Variants in ANGPT1 observed in about 807,000 individuals in gnomAD.
ANGPT1 encodes angiopoietin 1.
A neutral mutation model predicts 62.2 loss-of-function variants in ANGPT1; 17 were observed. The ratio of observed to expected loss-of-function variants is 0.27; its 90% CI spans 0.19 to 0.41. ANGPT1 has a LOEUF of 0.41. ANGPT1 is among the 10% of genes least tolerant of loss of function. The pLI is 1.00. For missense variants in ANGPT1, 478 were observed against 594.9 expected, an observed-to-expected ratio of 0.80 and a Z score of 2.04; for synonymous variants, 199 against 198.9, an observed-to-expected ratio of 1.00 and a Z score of 0.00.
Position 107,336,171 on chromosome 8 carries a change from A to C in ANGPT1, c.554T>G (p.Leu185Trp). The C allele has an allele frequency of 6.2e-7, 1 of 1,605,112 alleles. No homozygotes were observed. Among genetic ancestry groups the C allele is most frequent in the Non-Finnish European group, 8.5e-7 (1 of 1,177,626 alleles). ...KQLLQQTNEI[L>W]KIHEKNSLLE... The stretch of plus-strand genomic sequence containing the variant: ...TCACCTGTTTTTTTCATGGATCTTC[A>C]AGATTTCATTTGTCTGTTGAAGAAG... The change falls in exon 3 of 9, where the codon TTG (leucine) becomes TGG (tryptophan). Residue 185 changes from leucine to tryptophan, a missense_variant. By Grantham distance (61) the Leu-to-Trp change is moderately conservative (BLOSUM62 -2). Coordinates refer to ENST00000517746, the MANE Select transcript of ANGPT1 (RefSeq NM_001146.5).
chr8:107,409,204 C>T (rs1283684), intron 1 of ANGPT1, among the ~76,000 whole-genome samples: 21,725 of 152,174 alleles, frequency 0.14, 1,800 homozygotes, highest in South Asian at 0.2. Flanking sequence ...TAGCCCCAGG[C>T]TTTCCTTCTA....
intron 3 of ANGPT1, among the ~76,000 whole-genome samples, chr8:107,335,169 T>C (rs1323036541): frequency 6.6e-6 from 1 of 152,230 alleles, no homozygotes; most frequent in Admixed American, 6.5e-5. Flanking sequence ...TAGCAAGTTG[T>C]GTGACCTTGG....
intron 1 of ANGPT1, among the ~76,000 whole-genome samples, chr8:107,380,808 T>C (rs1234242629): frequency 1.3e-5 from 2 of 152,122 alleles, no homozygotes; most frequent in Non-Finnish European, 2.9e-5. Context: ...AAAGACAACG[T>C]CTTACTTTAG....
intron 1 of ANGPT1, among the ~76,000 whole-genome samples, chr8:107,365,171 C>T (rs545782398): frequency 2.0e-5 from 3 of 152,218 alleles, no homozygotes; most frequent in South Asian, 2.1e-4. Context: ...GACTGATAAG[C>T]TGAAGCATTT....
intron 5 of ANGPT1, among the ~76,000 whole-genome samples, chr8:107,301,487 G>A (rs955395217): frequency 3.3e-5 from 5 of 151,808 alleles, no homozygotes; most frequent in Non-Finnish European, 7.4e-5. Flanking sequence ...TTAAGCTTAA[G>A]TGTGATTTTA....
At chr8:107,313,478 C>T (rs1475201505) in intron 4 of ANGPT1, among the ~76,000 whole-genome samples, 4 of 108,872 alleles carry the variant, frequency 3.7e-5, no homozygotes, top group East Asian at 2.8e-4. Flanking sequence ...CTTGCTCTGT[C>T]GCCCAGGCTG....
intron 1 of ANGPT1, among the ~76,000 whole-genome samples, chr8:107,427,683 C>T (rs937040244): frequency 6.6e-6 from 1 of 152,182 alleles, no homozygotes; most frequent in Non-Finnish European, 1.5e-5. Flanking sequence ...TTTCTTCCTC[C>T]TCTAGGTTTG....
intron 1 of ANGPT1, among the ~76,000 whole-genome samples, chr8:107,443,110 T>C (rs1811522792): frequency 6.6e-6 from 1 of 152,206 alleles, no homozygotes; most frequent in Non-Finnish European, 1.5e-5. Flanking sequence ...CTTTATATAC[T>C]TCCATCAGAA....
intron 1 of ANGPT1, among the ~76,000 whole-genome samples, chr8:107,441,380 G>C (rs1358802058): frequency 6.6e-6 from 1 of 152,026 alleles, no homozygotes; most frequent in Admixed American, 6.6e-5. Context: ...TTCAATATTC[G>C]AAGAAAGCTA....
chr8:107,283,564 A>G (rs1018054359), intron 7 of ANGPT1, among the ~76,000 whole-genome samples: 2 of 152,190 alleles, frequency 1.3e-5, no homozygotes, highest in African/African-American at 4.8e-5. Context: ...AAAGACAAAT[A>G]AGCAGCAGAA....
At chr8:107,297,512 C>T (rs1313432824) in intron 5 of ANGPT1, among the ~76,000 whole-genome samples, 2 of 150,776 alleles carry the variant, frequency 1.3e-5, no homozygotes, top group East Asian at 1.9e-4. Flanking sequence ...ACGCATTATA[C>T]ACTCTATGTA....
In ANGPT1 at chr8:107,401,403, A is replaced by G. The variant is rs186644824; in HGVS notation, c.298-54306T>C. 2.6e-5 allele frequency among the ~76,000 whole-genome samples: 4 copies of G among 152,308 alleles called. No homozygotes were observed. In the East Asian group the frequency reaches 5.8e-4, roughly 22 times the overall value. On this transcript the variant is annotated intron_variant, in intron 1 of 8. Transcript: ENST00000517746. Reference sequence around the variant, plus strand: ...AATAAAATACTCTCACAGGACCACTAAAATGTGAGTTAATCAAAGAACCAC... The same window carrying G: ...AATAAAATACTCTCACAGGACCACTGAAATGTGAGTTAATCAAAGAACCAC...
intron 8 of ANGPT1, among the ~76,000 whole-genome samples, chr8:107,256,066 C>A (rs1168056932): frequency 6.6e-6 from 1 of 151,992 alleles, no homozygotes; most frequent in Non-Finnish European, 1.5e-5. Flanking sequence ...GATTTCATGA[C>A]AAATCAAGGA....
chr8:107,275,621 T>C (rs1435712086), intron 7 of ANGPT1, among the ~76,000 whole-genome samples: 1 of 152,134 alleles, frequency 6.6e-6, no homozygotes, highest in African/African-American at 2.4e-5. Context: ...CCATCACATA[T>C]GGGTATGCAC....
chr8:107,288,171 T>C (rs1324661387), intron 6 of ANGPT1, among the ~76,000 whole-genome samples: 4 of 152,198 alleles, frequency 2.6e-5, no homozygotes, highest in African/African-American at 9.6e-5. Context: ...AATTGAGAGT[T>C]GGTTTATACA....
intron 1 of ANGPT1, among the ~76,000 whole-genome samples, chr8:107,488,284 G>A (rs948452768): frequency 2.0e-5 from 3 of 152,186 alleles, no homozygotes; most frequent in Admixed American, 2.0e-4. Context: ...GTGCCCACCA[G>A]TAGCTAGGTT....
chr8:107,311,725 G>A (rs1431292850), intron 4 of ANGPT1, among the ~76,000 whole-genome samples: 2 of 152,182 alleles, frequency 1.3e-5, no homozygotes, highest in Non-Finnish European at 2.9e-5. Flanking sequence ...AATCTCATGT[G>A]TATAACAACG....
chr8:107,384,285 T>C (rs1816692921), intron 1 of ANGPT1, among the ~76,000 whole-genome samples: 1 of 152,108 alleles, frequency 6.6e-6, no homozygotes, highest in Non-Finnish European at 1.5e-5. Context: ...TAAATATACA[T>C]ACAGGATTAA....
At chr8:107,344,692 T>C (rs971810232) in intron 2 of ANGPT1, among the ~76,000 whole-genome samples, 1 of 152,138 alleles carries the variant, frequency 6.6e-6, no homozygotes, top group East Asian at 1.9e-4. Flanking sequence ...TTGTCATGAG[T>C]TCCTGAAATA....
Sources: allele counts gnomAD v4.1 joint callset (sites outside exome capture counted in the v4.1 genomes callset), GRCh38; gene constraint gnomAD v4.1.1; transcripts MANE v1.5; gene names NCBI Gene and HGNC (gene_info 2026-07-23, HGNC 2026-07-21).